The following CDH12 variants were observed in gnomAD, a reference collection of about 807,000 sequenced individuals.
The protein encoded by CDH12 is cadherin 12.
Under a neutral mutation model 74.1 loss-of-function variants are expected in CDH12, and 41 were observed. The observed-to-expected ratio is 0.55, with a 90% CI of 0.43 to 0.72. The LOEUF is 0.72. Ranked by LOEUF, CDH12 falls within the 30% of genes least tolerant of loss-of-function variation. CDH12 has a pLI of 0.00. For missense variants in CDH12, 945 were observed against 977.2 expected, an observed-to-expected ratio of 0.97 and a Z score of 0.44; for synonymous variants, 399 against 355.0, an observed-to-expected ratio of 1.12 and a Z score of -1.39.
intron 8 of CDH12, among the ~76,000 whole-genome samples, chr5:21,831,069 A>C (rs1212168226): frequency 6.6e-6 from 1 of 150,862 alleles, no homozygotes; most frequent in Non-Finnish European, 1.5e-5. Context: ...AAAACAAACA[A>C]AAAAAAACCA....
intron 3 of CDH12, among the ~76,000 whole-genome samples, chr5:22,378,797 G>T (rs770610813): frequency 9.2e-5 from 14 of 151,750 alleles, no homozygotes; most frequent in South Asian, 2.1e-4. Context: ...ACTTGTATTG[G>T]GTTTCTACTT....
chr5:22,471,931 G>A (rs1430423831), intron 2 of CDH12, among the ~76,000 whole-genome samples: 2 of 152,106 alleles, frequency 1.3e-5, no homozygotes, highest in Non-Finnish European at 2.9e-5. Context: ...GTGAGATCAT[G>A]CTCAATTCTG....
At chr5:22,690,913 G>C (rs1327441953) in intron 1 of CDH12, among the ~76,000 whole-genome samples, 1 of 151,930 alleles carries the variant, frequency 6.6e-6, no homozygotes, top group African/African-American at 2.4e-5. Flanking sequence ...TCCTCCATGG[G>C]ACACCATGGT....
chr5:21,913,477 T>G (rs1421097348), intron 6 of CDH12, among the ~76,000 whole-genome samples: 1 of 152,110 alleles, frequency 6.6e-6, no homozygotes, highest in Non-Finnish European at 1.5e-5. Context: ...GTAAACAAGT[T>G]TCTGTCCGGG....
At chr5:22,411,838 C>T (rs558569420) in intron 2 of CDH12, among the ~76,000 whole-genome samples, 1 of 151,982 alleles carries the variant, frequency 6.6e-6, no homozygotes, top group South Asian at 2.1e-4. Flanking sequence ...TTTATGAATA[C>T]TTCAGAGACT....
intron 1 of CDH12, among the ~76,000 whole-genome samples, chr5:22,578,446 T>C (rs966085098): frequency 1.3e-5 from 2 of 152,114 alleles, no homozygotes; most frequent in African/African-American, 2.4e-5. Context: ...TATTCTGCTT[T>C]TATGTTATAG....
At chr5:22,348,551 A>T (rs941732917) in intron 3 of CDH12, among the ~76,000 whole-genome samples, 1 of 152,236 alleles carries the variant, frequency 6.6e-6, no homozygotes, top group Admixed American at 6.5e-5. Context: ...GTTCATGTAC[A>T]TATACATGGA....
chr5:22,574,885 C>T (rs1009827819), intron 1 of CDH12, among the ~76,000 whole-genome samples: 61 of 152,262 alleles, frequency 4.0e-4, no homozygotes, highest in African/African-American at 1.3e-3. Flanking sequence ...AGTGTTCTAA[C>T]ACCCAAGGCT....
In CDH12 at chr5:22,039,849, T is replaced by G. The variant is rs114428676; in HGVS notation, c.231+38597A>C. On this transcript the variant is annotated intron_variant, in intron 5 of 14. Coordinates refer to ENST00000382254, the MANE Select transcript of CDH12 (RefSeq NM_004061.5). ...AAGTCTTTATCTGTGAAAGCCTGTCTGTAAAGTTTGGAAGAGATGATTATT... is the reference window on the plus strand; with the variant it reads ...AAGTCTTTATCTGTGAAAGCCTGTCGGTAAAGTTTGGAAGAGATGATTATT... Among the ~76,000 whole-genome samples the G allele has an allele frequency of 4.1e-3, 629 of 151,944 alleles. 8 individuals carry two copies. Among genetic ancestry groups the G allele is most frequent in the Middle Eastern group, 0.014 (4 of 294 alleles).
intron 1 of CDH12, among the ~76,000 whole-genome samples, chr5:22,539,471 T>G (rs975751058): frequency 6.6e-6 from 1 of 152,198 alleles, no homozygotes; most frequent in Non-Finnish European, 1.5e-5. Context: ...GAATAAAGGA[T>G]TGAAGAGTAG....
chr5:22,494,660 A>G (rs1007514076), intron 2 of CDH12, among the ~76,000 whole-genome samples: 3 of 152,214 alleles, frequency 2.0e-5, no homozygotes, highest in African/African-American at 7.2e-5. Context: ...TTTTGAATAA[A>G]GCTGCAGTTT....
At chr5:22,003,647 T>C (rs1343105638) in intron 5 of CDH12, among the ~76,000 whole-genome samples, 6 of 151,900 alleles carry the variant, frequency 3.9e-5, no homozygotes, top group East Asian at 1.9e-4. Context: ...GAGTAATTCA[T>C]TTGCACTTAT....
At position 22,686,781 on chromosome 5, in the gene CDH12, A is replaced by G. The variant is rs139581186; in HGVS notation, c.-523+166277T>C. Among the ~76,000 whole-genome samples, 28 of 152,372 alleles carry G rather than the reference A, an allele frequency of 1.8e-4. No individual in the cohort carries two copies. In the East Asian group the frequency reaches 4.8e-3, roughly 26 times the overall value. Reference sequence around the variant, plus strand: ...ATAAAATGTCTAACATTGTTTTAATACATAGTACTTGCACTTTAGCTCTTA... The same window carrying G: ...ATAAAATGTCTAACATTGTTTTAATGCATAGTACTTGCACTTTAGCTCTTA... On this transcript the variant is annotated intron_variant, in intron 1 of 14. Coordinates refer to ENST00000382254, the MANE Select transcript of CDH12 (RefSeq NM_004061.5).
intron 1 of CDH12, among the ~76,000 whole-genome samples, chr5:22,764,868 G>A (rs1480107163): frequency 6.6e-6 from 1 of 151,840 alleles, no homozygotes; most frequent in African/African-American, 2.4e-5. Flanking sequence ...AAAGAAAGTC[G>A]GAGAAATTGT....
intron 5 of CDH12, among the ~76,000 whole-genome samples, chr5:22,008,249 A>T (rs1239918220): frequency 3.4e-5 from 5 of 149,058 alleles, no homozygotes; most frequent in East Asian, 1.9e-4. Flanking sequence ...TTTTTTTTTT[A>T]AATGGAGTCT....
chr5:22,446,486 CT>C (rs1403405861), intron 2 of CDH12, among the ~76,000 whole-genome samples: 1 of 152,054 alleles, frequency 6.6e-6, no homozygotes, highest in Non-Finnish European at 1.5e-5. Context: ...TGAAAAATCT[CT>C]TTTGTATTAG....
At chr5:22,781,481 C>T (rs540801017) in intron 1 of CDH12, among the ~76,000 whole-genome samples, 1 of 152,048 alleles carries the variant, frequency 6.6e-6, no homozygotes, top group Non-Finnish European at 1.5e-5. Flanking sequence ...AAGCCAACAA[C>T]CCCCAAGTCT....
chr5:22,597,869 A>G (rs1028884791), intron 1 of CDH12, among the ~76,000 whole-genome samples: 1 of 152,204 alleles, frequency 6.6e-6, no homozygotes, highest in African/African-American at 2.4e-5. Context: ...TCTCAAATAT[A>G]GAAAATTATA....
At chr5:22,029,017 T>C (rs949061751) in intron 5 of CDH12, among the ~76,000 whole-genome samples, 1 of 152,136 alleles carries the variant, frequency 6.6e-6, no homozygotes, top group Non-Finnish European at 1.5e-5. Flanking sequence ...GGGGAAAGGA[T>C]TCCCTATTTA....
Sources: gnomAD v4.1 joint callset for allele counts (sites outside exome capture counted in the v4.1 genomes callset) on GRCh38, gnomAD v4.1.1 for gene constraint, MANE v1.5 for transcripts, NCBI Gene and HGNC (gene_info 2026-07-23, HGNC 2026-07-21) for gene names.